PLD5: variants seen among roughly 807,000 people sequenced by gnomAD.
PLD5 encodes the protein inactive phospholipase D5.
A neutral mutation model predicts 61.1 loss-of-function variants in PLD5; 36 were observed. The ratio of observed to expected loss-of-function variants is 0.59; its 90% confidence interval spans 0.45 to 0.78. The LOEUF (loss-of-function observed/expected upper bound fraction) is 0.78, where lower values mean the gene tolerates loss of function less well. Ranked by LOEUF, PLD5 falls within the 30% of genes least tolerant of loss-of-function variation. PLD5 has a pLI of 0.00. For missense variants in PLD5, 515 were observed against 644.4 expected (o/e 0.80, Z 2.17); for synonymous variants, 243 against 242.8 (o/e 1.00, Z -0.01).
intron 2 of PLD5, among the ~76,000 whole-genome samples, chr1:242,331,002 T>G (rs1297674153): frequency 6.6e-6 from 1 of 152,206 alleles, no homozygotes; most frequent in Non-Finnish European, 1.5e-5. Context: ...TTCCTTCTTC[T>G]TTTTCATCCT....
Position 242,172,245 on chromosome 1 carries a change from A to G in PLD5, c.736-47580T>C, listed in dbSNP as rs138524041. On this transcript the variant is annotated intron_variant, in intron 5 of 9. Coordinates refer to ENST00000536534, the MANE Select transcript of PLD5 (RefSeq NM_001372062.1). ...AATTCACTCAAAACTGCACAACTACATGGAAACTGAACAACCTGCTCCTGA... is the reference window on the plus strand; with the variant it reads ...AATTCACTCAAAACTGCACAACTACGTGGAAACTGAACAACCTGCTCCTGA... Among the ~76,000 whole-genome samples, 1,400 of 152,356 alleles carry G rather than the reference A, an allele frequency of 9.2e-3. 18 individuals carry two copies. The highest frequency in any genetic ancestry group is 0.032 in the African/African-American group (1,341 of 41,580).
At chr1:242,130,868 T>G (rs770585902) in intron 5 of PLD5, among the ~76,000 whole-genome samples, 5 of 151,098 alleles carry the variant, frequency 3.3e-5, no homozygotes, top group Non-Finnish European at 5.9e-5. Flanking sequence ...CTAATTATTC[T>G]TTGGAAGAGA....
At chr1:242,387,709 ATCTATTT>A (rs1662680761) in intron 1 of PLD5, among the ~76,000 whole-genome samples, 1 of 141,470 alleles carries the variant, frequency 7.1e-6, no homozygotes, top group African/African-American at 2.7e-5. Flanking sequence ...ATAAAATTTT[ATCTATTT>A]TATATAAAAT....
intron 1 of PLD5, chr1:242,377,394 A>G: frequency 7.4e-7 from 1 of 1,346,754 alleles, no homozygotes; most frequent in Non-Finnish European, 1.1e-6. Context: ...TGGTTCTTCT[A>G]ACTTCCGCTT....
At chr1:242,257,052 C>CTATA (rs1381216545) in intron 4 of PLD5, among the ~76,000 whole-genome samples, 2 of 150,184 alleles carry the variant, frequency 1.3e-5, no homozygotes, top group Non-Finnish European at 3.0e-5. Flanking sequence ...ATCTATCTAT[C>CTATA]TATCTATCTA....
At position 242,336,237 on chromosome 1, in the gene PLD5, T is replaced by G. The variant is rs561258772; in HGVS notation, c.326+11869A>C. On this transcript the variant is annotated intron_variant, in intron 2 of 9. Coordinates refer to ENST00000536534, the MANE Select transcript of PLD5 (RefSeq NM_001372062.1). Reference sequence around the variant, plus strand: ...GATACAGACTCTTTGGAATCCAACTTGTACTATCTGTCTATCCACAATTAA... The same window carrying G: ...GATACAGACTCTTTGGAATCCAACTGGTACTATCTGTCTATCCACAATTAA... Among the ~76,000 whole-genome samples, 6 of 152,348 alleles carry G rather than the reference T, an allele frequency of 3.9e-5. No individual in the cohort carries two copies. The South Asian group carries it at 1.2e-3, about 32-fold the overall frequency.
intron 2 of PLD5, among the ~76,000 whole-genome samples, chr1:242,339,457 A>G (rs4658479): frequency 0.85 from 129,967 of 152,246 alleles, 56,464 homozygotes; most frequent in Non-Finnish European, 0.94. Context: ...CTCAGGACTC[A>G]GAGAATGCAG....
chr1:242,159,389 C>G (rs763276202), intron 5 of PLD5, among the ~76,000 whole-genome samples: 11 of 152,124 alleles, frequency 7.2e-5, no homozygotes, highest in Non-Finnish European at 1.6e-4. Flanking sequence ...TCTGCTCCAC[C>G]CTCAGGTTAG....
intron 2 of PLD5, among the ~76,000 whole-genome samples, chr1:242,340,972 A>G (rs1659798856): frequency 6.6e-6 from 1 of 152,074 alleles, no homozygotes; most frequent in African/African-American, 2.4e-5. Flanking sequence ...GGACGACAAT[A>G]TAAGGACACC....
intron 4 of PLD5, among the ~76,000 whole-genome samples, chr1:242,242,004 T>TAGACACACAC (rs1377532947): frequency 1.0e-3 from 139 of 132,834 alleles, no homozygotes; most frequent in African/African-American, 3.2e-3. Context: ...TATATATATA[T>TAGACACACAC]ATATATAGAC....
intron 8 of PLD5, among the ~76,000 whole-genome samples, chr1:242,102,657 C>G (rs998014178): frequency 6.6e-6 from 1 of 152,148 alleles, no homozygotes; most frequent in Non-Finnish European, 1.5e-5. Flanking sequence ...TTTGTCAGTG[C>G]TCCCAGGCTC....
intron 1 of PLD5, among the ~76,000 whole-genome samples, chr1:242,432,045 G>A (rs556812544): frequency 8.5e-5 from 13 of 152,300 alleles, no homozygotes; most frequent in Admixed American, 2.6e-4. Context: ...GGGGCACAAC[G>A]GTAGTGGAAG....
intron 5 of PLD5, among the ~76,000 whole-genome samples, chr1:242,190,138 CTTT>C (rs902616187): frequency 1.2e-3 from 86 of 74,388 alleles, no homozygotes; most frequent in African/African-American, 4.8e-3. Context: ...GACAGGACTC[CTTT>C]TTTTTTTTTT....
chr1:242,124,255 A>G (rs1662606847), intron 6 of PLD5, among the ~76,000 whole-genome samples: 1 of 152,164 alleles, frequency 6.6e-6, no homozygotes, highest in African/African-American at 2.4e-5. Context: ...CAGATAACTC[A>G]AGGTATCTGA....
At chr1:242,141,673 C>T (rs1390170650) in intron 5 of PLD5, among the ~76,000 whole-genome samples, 1 of 152,170 alleles carries the variant, frequency 6.6e-6, no homozygotes, top group African/African-American at 2.4e-5. Context: ...AGCAAGCAAG[C>T]TCTCAGTAGC....
chr1:242,153,705 G>T (rs1156462900), intron 5 of PLD5, among the ~76,000 whole-genome samples: 2 of 152,074 alleles, frequency 1.3e-5, no homozygotes, highest in Non-Finnish European at 2.9e-5. Context: ...CTGTTCCATT[G>T]GTCTATATCT....
At chr1:242,257,377 C>A (rs1673129765) in intron 4 of PLD5, among the ~76,000 whole-genome samples, 1 of 152,136 alleles carries the variant, frequency 6.6e-6, no homozygotes, top group Non-Finnish European at 1.5e-5. Flanking sequence ...TTGATTCCAA[C>A]AGACTGAAAG....
chr1:242,479,790 TC>T (rs1667709803), intron 1 of PLD5, among the ~76,000 whole-genome samples: 1 of 151,850 alleles, frequency 6.6e-6, no homozygotes. Flanking sequence ...ACGCCTGTAA[TC>T]CCAGCACTTT....
At chr1:242,129,189 C>T (rs917376979) in intron 5 of PLD5, among the ~76,000 whole-genome samples, 4 of 152,206 alleles carry the variant, frequency 2.6e-5, no homozygotes, top group Admixed American at 6.5e-5. Context: ...ATTTAGTGTT[C>T]CATTTCCCCT....
Sources: allele counts gnomAD v4.1 joint callset (sites outside exome capture counted in the v4.1 genomes callset), GRCh38; gene constraint gnomAD v4.1.1; transcripts MANE v1.5; gene names NCBI Gene and HGNC (gene_info 2026-07-23, HGNC 2026-07-21).